RAP1GDS1: variants seen among roughly 807,000 people sequenced by gnomAD.
RAP1GDS1 encodes the protein Rap1 GTPase-GDP dissociation stimulator 1, also known as RAP1, GTP-GDP dissociation stimulator 1.
A neutral mutation model predicts 71.1 loss-of-function variants in RAP1GDS1; 35 were observed. The ratio of observed to expected loss-of-function variants is 0.49; its 90% CI spans 0.38 to 0.65. The LOEUF (loss-of-function observed/expected upper bound fraction) is 0.65, where lower values mean the gene tolerates loss of function less well. Ranked by LOEUF, RAP1GDS1 falls within the 30% of genes least tolerant of loss-of-function variation. RAP1GDS1 has a pLI of 0.00. For missense variants in RAP1GDS1, 663 were observed against 706.1 expected (o/e 0.94, Z 0.69); for synonymous variants, 229 against 243.1 (o/e 0.94, Z 0.54).
At chr4:98,291,639 G>C (rs1726937574) in intron 1 of RAP1GDS1, among the ~76,000 whole-genome samples, 1 of 152,038 alleles carries the variant, frequency 6.6e-6, no homozygotes, top group South Asian at 2.1e-4. Context: ...CTAGAGTTAA[G>C]GCCTCTATTT....
rs903657752 is a variant in RAP1GDS1, at chr4:98,312,670, A to G, written c.112+19155A>G. 5.3e-5 allele frequency among the ~76,000 whole-genome samples: 8 copies of G among 152,060 alleles called. No homozygotes were observed. The South Asian group carries it at 1.0e-3, about 20-fold the overall frequency. ...AGGGTTCTTCAGAGATATAGAACCAATGGAATGTGTGTGTGCATGTGTGTA... is the reference window on the plus strand; with the variant it reads ...AGGGTTCTTCAGAGATATAGAACCAGTGGAATGTGTGTGTGCATGTGTGTA... On this transcript the variant is annotated intron_variant, in intron 2 of 14. Transcript: ENST00000408927.
intron 7 of RAP1GDS1, among the ~76,000 whole-genome samples, chr4:98,407,060 A>G (rs1388175275): frequency 7.9e-5 from 12 of 152,160 alleles, no homozygotes; most frequent in Admixed American, 7.9e-4. Flanking sequence ...CCCAGTATTC[A>G]TCTCAGGAAT....
In RAP1GDS1 at chr4:98,437,047, A is replaced by G; in HGVS notation, c.1675A>G (p.Ile559Val). The G allele has an allele frequency of 6.2e-7, 1 of 1,609,086 alleles. No homozygotes were observed. The highest frequency in any genetic ancestry group is 8.5e-7 in the Non-Finnish European group (1 of 1,178,744). The change falls in exon 14 of 15, where the codon ATA becomes GTA. Residue 559 changes from isoleucine to valine, a missense_variant. Transcript: ENST00000408927. ...AATCAAATATAATTCCATGGTCCTG[A>G]TATGTGCTCTTATGGGATCTGGTAA... ...PEIKYNSMVL[I>V]CALMGSECLH...
At chr4:98,269,539 A>G (rs142774963) in intron 1 of RAP1GDS1, among the ~76,000 whole-genome samples, 17 of 152,284 alleles carry the variant, frequency 1.1e-4, no homozygotes, top group South Asian at 8.3e-4. Flanking sequence ...GGCAGCTTAC[A>G]TAATGAGGGG....
intron 2 of RAP1GDS1, among the ~76,000 whole-genome samples, chr4:98,293,751 T>A (rs539587310): frequency 6.6e-6 from 1 of 152,130 alleles, no homozygotes; most frequent in African/African-American, 2.4e-5. Flanking sequence ...TGATGGGTGG[T>A]GATGACATTA....
At chr4:98,415,989 T>C (rs926060284) in intron 7 of RAP1GDS1, among the ~76,000 whole-genome samples, 7 of 152,146 alleles carry the variant, frequency 4.6e-5, no homozygotes, top group Non-Finnish European at 1.0e-4. Flanking sequence ...CAGTCATAGC[T>C]TACTGTAACC....
At chr4:98,293,811 C>G (rs1024977142) in intron 2 of RAP1GDS1, among the ~76,000 whole-genome samples, 2 of 151,918 alleles carry the variant, frequency 1.3e-5, no homozygotes, top group African/African-American at 4.8e-5. Flanking sequence ...AGTCAAGCAT[C>G]GTAGTTGTTT....
At position 98,293,697 on chromosome 4, in the gene RAP1GDS1, G is replaced by A. The variant is rs186735459; in HGVS notation, c.112+182G>A. ...CCCTCCTACTTCCCTCCACGCCCCCGCAAGATCCTCAAAGCCAAGCTGATA... is the reference window on the plus strand; with the variant it reads ...CCCTCCTACTTCCCTCCACGCCCCCACAAGATCCTCAAAGCCAAGCTGATA... On this transcript the variant is annotated intron_variant, in intron 2 of 14. Transcript: ENST00000408927. Among the ~76,000 whole-genome samples the A allele has an allele frequency of 7.2e-5, 11 of 152,012 alleles. No homozygotes were observed. In the East Asian group the frequency reaches 9.7e-4, roughly 13 times the overall value.
chr4:98,307,282 G>A (rs978212677), intron 2 of RAP1GDS1, among the ~76,000 whole-genome samples: 1 of 151,844 alleles, frequency 6.6e-6, no homozygotes, highest in Admixed American at 6.6e-5. Context: ...CTAATATTGT[G>A]CTGTTACCTT....
intron 2 of RAP1GDS1, among the ~76,000 whole-genome samples, chr4:98,336,226 T>C (rs1434392606): frequency 1.3e-5 from 2 of 152,194 alleles, no homozygotes; most frequent in African/African-American, 4.8e-5. Flanking sequence ...AATCTAGTTA[T>C]ATACTCTGCT....
intron 7 of RAP1GDS1, among the ~76,000 whole-genome samples, chr4:98,405,920 T>A (rs1746048246): frequency 6.6e-6 from 1 of 152,054 alleles, no homozygotes; most frequent in African/African-American, 2.4e-5. Context: ...TTTATGTGAT[T>A]TAAAATATAC....
Position 98,418,807 on chromosome 4 carries a change from A to G in RAP1GDS1, c.1174+16A>G, listed in dbSNP as rs1748390943. On this transcript the variant is annotated intron_variant, in intron 10 of 14. Transcript: ENST00000408927. ...GCCATTCCAGGTAAGACTTAAGAAT[A>G]GAAGGCAGCTGTGTACAAAATAAAA... 1.9e-6 allele frequency: 3 copies of G among 1,579,374 alleles called. No individual in the cohort carries two copies. Among genetic ancestry groups the G allele is most frequent in the East Asian group, 2.3e-5 (1 of 43,864 alleles).
chr4:98,317,527 G>A (rs919894851), intron 2 of RAP1GDS1, among the ~76,000 whole-genome samples: 3 of 152,184 alleles, frequency 2.0e-5, no homozygotes, highest in Non-Finnish European at 2.9e-5. Context: ...GGAGGAGGAA[G>A]TATGGGAATG....
chr4:98,304,945 A>G (rs552716206), intron 2 of RAP1GDS1, among the ~76,000 whole-genome samples: 64 of 151,936 alleles, frequency 4.2e-4, no homozygotes, highest in Middle Eastern at 3.4e-3. Flanking sequence ...GATTTATTAA[A>G]TAGGGAATCC....
At chr4:98,274,399 G>A (rs1304336614) in intron 1 of RAP1GDS1, among the ~76,000 whole-genome samples, 6 of 152,086 alleles carry the variant, frequency 3.9e-5, no homozygotes, top group Non-Finnish European at 7.4e-5. Context: ...AAGTTCACTG[G>A]TGACATTACT....
At chr4:98,400,797 A>G (rs1044890982) in intron 6 of RAP1GDS1, among the ~76,000 whole-genome samples, 1 of 152,182 alleles carries the variant, frequency 6.6e-6, no homozygotes, top group Non-Finnish European at 1.5e-5. Flanking sequence ...TATTCATTAT[A>G]TGTAACACCA....
intron 4 of RAP1GDS1, among the ~76,000 whole-genome samples, chr4:98,362,504 T>A (rs1738886628): frequency 6.6e-6 from 1 of 152,130 alleles, no homozygotes. Context: ...AATGTAGGTA[T>A]GTCTATTACC....
intron 2 of RAP1GDS1, among the ~76,000 whole-genome samples, chr4:98,330,991 A>T (rs1266818441): frequency 1.3e-5 from 2 of 152,152 alleles, no homozygotes; most frequent in Non-Finnish European, 2.9e-5. Flanking sequence ...ACGCCACTGC[A>T]CTCCAGCCTG....
At chr4:98,276,735 T>C (rs1173079056) in intron 1 of RAP1GDS1, among the ~76,000 whole-genome samples, 1 of 152,152 alleles carries the variant, frequency 6.6e-6, no homozygotes, top group East Asian at 1.9e-4. Flanking sequence ...AACTAGAGCA[T>C]TTGCCCAACC....
Sources: gnomAD v4.1 joint callset for allele counts (sites outside exome capture counted in the v4.1 genomes callset) on GRCh38, gnomAD v4.1.1 for gene constraint, MANE v1.5 for transcripts, NCBI Gene and HGNC (gene_info 2026-07-23, HGNC 2026-07-21) for gene names.